ANKRD6: variants seen among roughly 807,000 people sequenced by gnomAD.
ANKRD6 encodes the protein ankyrin repeat domain 6, also known as ankyrin repeat domain-containing protein 6.
Under a neutral mutation model 82.3 loss-of-function variants are expected in ANKRD6, and 56 were observed. The observed-to-expected ratio is 0.68, with a 90% CI of 0.55 to 0.85. The LOEUF (loss-of-function observed/expected upper bound fraction) is 0.85. Ranked by LOEUF, ANKRD6 falls within the 40% of genes least tolerant of loss-of-function variation. The pLI is 0.00. For missense variants in ANKRD6, 852 were observed against 907.6 expected, an observed-to-expected ratio of 0.94 and a Z score of 0.79; for synonymous variants, 347 against 352.1, an observed-to-expected ratio of 0.99 and a Z score of 0.16.
intron 1 of ANKRD6, among the ~76,000 whole-genome samples, chr6:89,464,475 C>G (rs946638972): frequency 6.6e-6 from 1 of 152,132 alleles, no homozygotes; most frequent in African/African-American, 2.4e-5. Context: ...TAACTGCAAG[C>G]GCTTATATCT....
At chr6:89,487,099 T>C (rs145194759) in intron 1 of ANKRD6, among the ~76,000 whole-genome samples, 4 of 152,312 alleles carry the variant, frequency 2.6e-5, no homozygotes, top group African/African-American at 7.2e-5. Context: ...CTGACACTTA[T>C]TAACTGGGCA....
At chr6:89,556,093 C>T (rs1371855822) in intron 1 of ANKRD6, among the ~76,000 whole-genome samples, 2 of 152,230 alleles carry the variant, frequency 1.3e-5, no homozygotes, top group Non-Finnish European at 2.9e-5. Context: ...TAGCAAACAC[C>T]GCCAGCAGTC....
intron 1 of ANKRD6, among the ~76,000 whole-genome samples, chr6:89,542,937 G>T (rs1441356689): frequency 6.6e-6 from 1 of 152,092 alleles, no homozygotes; most frequent in Non-Finnish European, 1.5e-5. Context: ...TTCTGTTTCT[G>T]GTCATTAAAC....
chr6:89,603,302 G>T (rs1169978916), intron 4 of ANKRD6, among the ~76,000 whole-genome samples, 175 bp downstream of exon 4: 1 of 150,872 alleles, frequency 6.6e-6, no homozygotes, highest in Non-Finnish European at 1.5e-5. Context: ...ACACTATCTG[G>T]TATCCCAGCC....
Position 89,557,350 on chromosome 6 carries a change from C to T in ANKRD6, c.-143-9484C>T, listed in dbSNP as rs1786738799. ...AATGAGCAGAGAAGATGCCCAAAAACCTCAAGGACCTGCAACATTTAAGGT... is the reference window on the plus strand; with the variant it reads ...AATGAGCAGAGAAGATGCCCAAAAATCTCAAGGACCTGCAACATTTAAGGT... On this transcript the variant is annotated intron_variant, in intron 1 of 15. Transcript: ENST00000339746. 2.6e-5 allele frequency among the ~76,000 whole-genome samples: 4 copies of T among 152,096 alleles called. No homozygotes were observed. In the South Asian group the frequency reaches 8.3e-4, roughly 32 times the overall value.
At chr6:89,527,040 A>G (rs1782576823) in intron 1 of ANKRD6, among the ~76,000 whole-genome samples, 2 of 152,244 alleles carry the variant, frequency 1.3e-5, no homozygotes, top group South Asian at 4.1e-4. Flanking sequence ...ACATACCCAT[A>G]CATAATGTTT....
At position 89,554,013 on chromosome 6, in the gene ANKRD6, G is replaced by A. The variant is rs186973893; in HGVS notation, c.-143-12821G>A. Among the ~76,000 whole-genome samples, 354 of 152,236 alleles carry A rather than the reference G, an allele frequency of 2.3e-3. 1 individual carries two copies. Among genetic ancestry groups the A allele is most frequent in the African/African-American group, 8.3e-3 (343 of 41,540 alleles). ...GCTCTGGTTCTTGGCCCTAAAGATG[G>A]GGGGGTGTGAGTGACTTCAAAAAGG... On this transcript the variant is annotated intron_variant, in intron 1 of 15. Transcript: ENST00000339746.
chr6:89,463,658 C>T (rs746565520), intron 1 of ANKRD6, among the ~76,000 whole-genome samples: 6 of 152,086 alleles, frequency 3.9e-5, no homozygotes, highest in Non-Finnish European at 7.3e-5. Context: ...AAGCAATTCT[C>T]CTGCCTCAGC....
intron 1 of ANKRD6, among the ~76,000 whole-genome samples, chr6:89,533,502 A>G (rs1269262888): frequency 6.6e-6 from 1 of 152,076 alleles, no homozygotes. Flanking sequence ...GGAGTCTGGT[A>G]TTTGACCTGG....
At chr6:89,613,588 C>T (rs1017150480) in intron 6 of ANKRD6, among the ~76,000 whole-genome samples, 34 of 152,170 alleles carry the variant, frequency 2.2e-4, no homozygotes, top group Non-Finnish European at 1.6e-4. Flanking sequence ...GGTTGTTCTG[C>T]ACAGGCAGAA....
chr6:89,493,722 T>C (rs1456206110), intron 1 of ANKRD6, among the ~76,000 whole-genome samples: 2 of 152,118 alleles, frequency 1.3e-5, no homozygotes, highest in Non-Finnish European at 2.9e-5. Context: ...AGCCTGTCTG[T>C]CTCTTATAAG....
chr6:89,531,926 G>A (rs940472985), intron 1 of ANKRD6, among the ~76,000 whole-genome samples: 6 of 152,214 alleles, frequency 3.9e-5, no homozygotes, highest in East Asian at 1.9e-4. Context: ...TCAATGGTGC[G>A]GTTTGAGTTC....
At chr6:89,629,997 G>A (rs538700566) in intron 15 of ANKRD6, among the ~76,000 whole-genome samples, 1 of 152,198 alleles carries the variant, frequency 6.6e-6, no homozygotes, top group Non-Finnish European at 1.5e-5. Flanking sequence ...CAAGCAGTTA[G>A]TACACTGGTA....
rs568604812 is a variant in ANKRD6 at position 89,570,263 on chromosome 6, G to A, written c.120+3167G>A. 3.9e-5 allele frequency among the ~76,000 whole-genome samples: 6 copies of A among 152,064 alleles called. No individual in the cohort carries two copies. The East Asian group carries it at 1.2e-3, about 29-fold the overall frequency. On this transcript the variant is annotated intron_variant, in intron 2 of 15. Coordinates refer to ENST00000339746, the MANE Select transcript of ANKRD6 (RefSeq NM_001242809.2). Reference sequence around the variant, plus strand: ...AATTGTTAAGACAGGGTCTCCCTACGTTGCCCAGGCTGGTCTCGAACTCCT... The same window carrying A: ...AATTGTTAAGACAGGGTCTCCCTACATTGCCCAGGCTGGTCTCGAACTCCT...
chr6:89,553,804 C>T (rs953352253), intron 1 of ANKRD6, among the ~76,000 whole-genome samples: 1 of 152,144 alleles, frequency 6.6e-6, no homozygotes, highest in Admixed American at 6.5e-5. Context: ...CTTACTTTCT[C>T]CCTCACAAAG....
chr6:89,532,942 T>G (rs1473564840), intron 1 of ANKRD6, among the ~76,000 whole-genome samples: 1 of 151,946 alleles, frequency 6.6e-6, no homozygotes, highest in Non-Finnish European at 1.5e-5. Context: ...GGCGTGATCT[T>G]GGCTCACTGC....
At chr6:89,495,899 G>A (rs1267872749) in intron 1 of ANKRD6, among the ~76,000 whole-genome samples, 1 of 152,000 alleles carries the variant, frequency 6.6e-6, no homozygotes, top group Admixed American at 6.6e-5. Flanking sequence ...AGGAAACTGA[G>A]GCTCAGAAAG....
intron 1 of ANKRD6, among the ~76,000 whole-genome samples, chr6:89,493,421 A>G (rs1383453635): frequency 1.3e-5 from 2 of 150,412 alleles, no homozygotes; most frequent in African/African-American, 4.9e-5. Flanking sequence ...TAATTTTTTT[A>G]TTCTTTGAGA....
intron 1 of ANKRD6, among the ~76,000 whole-genome samples, chr6:89,521,210 C>T (rs1781846507): frequency 6.6e-6 from 1 of 152,118 alleles, no homozygotes; most frequent in African/African-American, 2.4e-5. Flanking sequence ...GCTCACAGTC[C>T]AGCCCAGGAG....
Sources: allele counts gnomAD v4.1 joint callset (sites outside exome capture counted in the v4.1 genomes callset), GRCh38; gene constraint gnomAD v4.1.1; transcripts MANE v1.5; gene names NCBI Gene and HGNC (gene_info 2026-07-23, HGNC 2026-07-21).